Variants in BTBD9 observed in about 807,000 individuals in gnomAD.
The protein encoded by BTBD9 is BTB domain containing 9.
In BTBD9, 49 loss-of-function variants were observed where a neutral mutation model predicts 64.3. The observed-to-expected ratio is 0.76, with a 90% CI of 0.61 to 0.97. The LOEUF (loss-of-function observed/expected upper bound fraction) is 0.97, where lower values mean the gene tolerates loss of function less well. BTBD9 is among the 50% of genes least tolerant of loss of function. The pLI is 0.00. For synonymous variants in BTBD9, 260 were observed against 274.7 expected, an observed-to-expected ratio of 0.95 and a Z score of 0.53; for missense variants, 598 against 762.1, an observed-to-expected ratio of 0.78 and a Z score of 2.53.
intron 6 of BTBD9, among the ~76,000 whole-genome samples, chr6:38,470,668 T>C (rs1438304440): frequency 1.3e-5 from 2 of 152,214 alleles, no homozygotes; most frequent in Non-Finnish European, 2.9e-5. Context: ...AGAGAAGAAC[T>C]GGCCTTCTCA....
intron 6 of BTBD9, among the ~76,000 whole-genome samples, chr6:38,447,148 C>T (rs1369460278): frequency 1.3e-5 from 2 of 152,098 alleles, no homozygotes; most frequent in Admixed American, 6.6e-5. Flanking sequence ...GAAAATATAT[C>T]GAGATCTGTA....
intron 8 of BTBD9, among the ~76,000 whole-genome samples, chr6:38,287,068 G>C (rs1211447570): frequency 8.5e-6 from 1 of 117,602 alleles, no homozygotes; most frequent in Non-Finnish European, 1.6e-5. Flanking sequence ...GGTGACAATA[G>C]TGAGGCTCCA....
At chr6:38,303,932 CGTGT>C (rs368230606) in intron 7 of BTBD9, among the ~76,000 whole-genome samples, 36 of 119,110 alleles carry the variant, frequency 3.0e-4, no homozygotes, top group African/African-American at 6.2e-4. Flanking sequence ...TATATATACA[CGTGT>C]GTGTGTGTGT....
intron 6 of BTBD9, among the ~76,000 whole-genome samples, chr6:38,355,022 G>T (rs1041734423): frequency 3.1e-4 from 47 of 152,078 alleles, no homozygotes; most frequent in Non-Finnish European, 6.2e-4. Flanking sequence ...GTCAAAGCTG[G>T]AAGTGCATGA....
At chr6:38,406,246 A>AC (rs1434632724) in intron 6 of BTBD9, among the ~76,000 whole-genome samples, 1 of 152,200 alleles carries the variant, frequency 6.6e-6, no homozygotes, top group Non-Finnish European at 1.5e-5. Flanking sequence ...GAAAAGAGTA[A>AC]CCATAAGGAG....
intron 8 of BTBD9, among the ~76,000 whole-genome samples, chr6:38,277,705 A>G (rs1014556590): frequency 6.6e-6 from 1 of 152,244 alleles, no homozygotes. Context: ...AGATACATCC[A>G]GAAGCTGTGG....
At chr6:38,614,080 C>T (rs1251413174) in intron 1 of BTBD9, among the ~76,000 whole-genome samples, 1 of 152,192 alleles carries the variant, frequency 6.6e-6, no homozygotes, top group Non-Finnish European at 1.5e-5. Context: ...GCTGCTGGCT[C>T]TTCTGAGTTG....
chr6:38,381,669 T>C (rs1255377480), intron 6 of BTBD9, among the ~76,000 whole-genome samples: 1 of 152,172 alleles, frequency 6.6e-6, no homozygotes, highest in African/African-American at 2.4e-5. Flanking sequence ...AAGGATTTTA[T>C]TTTTAAAGAC....
At chr6:38,419,741 A>G (rs1276224308) in intron 6 of BTBD9, among the ~76,000 whole-genome samples, 1 of 152,090 alleles carries the variant, frequency 6.6e-6, no homozygotes, top group Non-Finnish European at 1.5e-5. Flanking sequence ...GTGGCAGTGC[A>G]TGCCTGTAAT....
rs527417439 is a variant in BTBD9 at position 38,425,108 on chromosome 6, G to C, written c.1155-80015C>G. Among the ~76,000 whole-genome samples, 244 of 125,468 alleles carry C rather than the reference G, an allele frequency of 1.9e-3. 1 individual carries two copies. Among genetic ancestry groups the C allele is most frequent in the Admixed American group, 3.2e-3 (38 of 11,802 alleles). The allele number at this position is 125,468 out of a possible 152,430, so 82.3% of individuals were successfully genotyped here. A position where few individuals can be genotyped will look rare whatever the true frequency, so the allele number is the denominator to read the frequency against. On this transcript the variant is annotated intron_variant, in intron 6 of 10. Coordinates refer to ENST00000481247, the MANE Select transcript of BTBD9 (RefSeq NM_001099272.2). ...TCGGATTACAGGTGTGAGCCACCGT[G>C]CCCGGCCTTTTTTTTTTTTTTTGAG... is the stretch of plus-strand genomic sequence containing the variant.
intron 8 of BTBD9, among the ~76,000 whole-genome samples, chr6:38,285,735 T>G (rs1023413325): frequency 6.6e-5 from 10 of 152,116 alleles, no homozygotes; most frequent in African/African-American, 2.4e-4. Flanking sequence ...TTTAAATGAT[T>G]TCAAGTCTCC....
intron 1 of BTBD9, among the ~76,000 whole-genome samples, chr6:38,624,155 C>T (rs751095639): frequency 6.6e-6 from 1 of 152,230 alleles, no homozygotes; most frequent in Non-Finnish European, 1.5e-5. Flanking sequence ...AATCTGCGCT[C>T]TGTAAAACGC....
intron 9 of BTBD9, among the ~76,000 whole-genome samples, chr6:38,212,029 T>C (rs549644994): frequency 2.0e-5 from 3 of 152,318 alleles, no homozygotes; most frequent in African/African-American, 7.2e-5. Flanking sequence ...GGCAACTGCG[T>C]AGTAACCTGT....
At chr6:38,205,502 A>T (rs1762605830) in intron 9 of BTBD9, among the ~76,000 whole-genome samples, 1 of 152,010 alleles carries the variant, frequency 6.6e-6, no homozygotes, top group Non-Finnish European at 1.5e-5. Flanking sequence ...ATTCAGGCAT[A>T]AAAAAAATTC....
chr6:38,406,326 C>T (rs1767161801), intron 6 of BTBD9, among the ~76,000 whole-genome samples: 3 of 151,988 alleles, frequency 2.0e-5, no homozygotes, highest in South Asian at 4.2e-4. Flanking sequence ...ATCTAAAGCC[C>T]GAGAATTGAT....
intron 10 of BTBD9, among the ~76,000 whole-genome samples, chr6:38,187,809 G>A (rs544021154): frequency 2.6e-4 from 39 of 152,270 alleles, no homozygotes; most frequent in Admixed American, 1.9e-3. Context: ...TCGTTGCTGC[G>A]GTGCTCACAA....
intron 6 of BTBD9, among the ~76,000 whole-genome samples, chr6:38,518,677 C>T (rs952182585): frequency 2.0e-5 from 3 of 152,210 alleles, no homozygotes; most frequent in Admixed American, 2.0e-4. Context: ...CTCTGTGCTT[C>T]TATATAAGGA....
intron 7 of BTBD9, among the ~76,000 whole-genome samples, chr6:38,320,969 C>T (rs1054104322): frequency 2.0e-5 from 3 of 152,158 alleles, no homozygotes; most frequent in African/African-American, 4.8e-5. Flanking sequence ...TCAGAATAAC[C>T]GAGAAAGCAG....
Position 38,174,926 on chromosome 6 carries a change from G to C in BTBD9, c.*59C>G, listed in dbSNP as rs41273108. On this transcript the variant is annotated 3_prime_UTR_variant, in exon 11 of 11. Coordinates refer to ENST00000481247, the MANE Select transcript of BTBD9 (RefSeq NM_001099272.2). ...GTCAACAGAGACCCCTGCTCAGGGA[G>C]GAGACCGTTTCCTGCCGTTGCCCGA... 16 of 1,590,166 alleles carry C rather than the reference G, an allele frequency of 1.0e-5. No homozygotes were observed. Among genetic ancestry groups the C allele is most frequent in the Non-Finnish European group, 1.4e-5 (16 of 1,166,410 alleles).
Sources: gnomAD v4.1 joint callset for allele counts (sites outside exome capture counted in the v4.1 genomes callset) on GRCh38, gnomAD v4.1.1 for gene constraint, MANE v1.5 for transcripts, NCBI Gene and HGNC (gene_info 2026-07-23, HGNC 2026-07-21) for gene names.